FHOD3: variants seen among roughly 807,000 people sequenced by gnomAD.
FHOD3 encodes formin homology 2 domain containing 3.
A neutral mutation model predicts 173.0 loss-of-function variants in FHOD3; 90 were observed. That is an observed-to-expected ratio of 0.52 (90% confidence interval 0.44 to 0.62). The LOEUF is 0.62. Among genes scored for constraint, FHOD3 ranks in the 20% least tolerant of loss-of-function variants. FHOD3 has a pLI of 0.00. For missense variants in FHOD3, 1,945 were observed against 2,034.7 expected (o/e 0.96, Z 0.85); for synonymous variants, 828 against 823.0 (o/e 1.01, Z -0.10).
intron 15 of FHOD3, among the ~76,000 whole-genome samples, chr18:36,683,136 A>C (rs1431106383): frequency 1.3e-5 from 2 of 152,198 alleles, no homozygotes; most frequent in African/African-American, 2.4e-5. Flanking sequence ...TGGAAATGCC[A>C]GCTCTGTATG....
intron 17 of FHOD3, among the ~76,000 whole-genome samples, chr18:36,700,173 C>T (rs2039504265): frequency 6.6e-6 from 1 of 152,150 alleles, no homozygotes; most frequent in South Asian, 2.1e-4. Flanking sequence ...CCCTCGCATT[C>T]CACCTGTGAT....
intron 5 of FHOD3, among the ~76,000 whole-genome samples, chr18:36,533,878 T>C (rs867662832): frequency 2.1e-4 from 32 of 152,308 alleles, no homozygotes; most frequent in Middle Eastern, 3.4e-3. Context: ...TTTTGAGAAA[T>C]ATCTTCCCCA....
intron 3 of FHOD3, among the ~76,000 whole-genome samples, chr18:36,480,052 C>A (rs556982111): frequency 6.6e-6 from 1 of 152,308 alleles, no homozygotes; most frequent in South Asian, 2.1e-4. Context: ...TAAAGAGAAA[C>A]AAATTAATTC....
chr18:36,563,044 C>A (rs2058144360), intron 5 of FHOD3, among the ~76,000 whole-genome samples: 1 of 152,150 alleles, frequency 6.6e-6, no homozygotes. Context: ...AGCAACGAGT[C>A]CCCTCAGGTA....
At chr18:36,769,559 T>C in intron 28 of FHOD3, 133 bp downstream of exon 28, 1 of 1,217,666 alleles carries the variant, frequency 8.2e-7, no homozygotes. Context: ...CTTGCACTCA[T>C]CCACAGAAAG....
chr18:36,664,468 A>C (rs1430992045), intron 14 of FHOD3, among the ~76,000 whole-genome samples: 1 of 152,192 alleles, frequency 6.6e-6, no homozygotes, highest in Non-Finnish European at 1.5e-5. Flanking sequence ...ATTGCGTTAC[A>C]TCCAAAGCAC....
At chr18:36,426,448 A>G (rs143371867) in intron 3 of FHOD3, among the ~76,000 whole-genome samples, 33 of 152,264 alleles carry the variant, frequency 2.2e-4, no homozygotes, top group African/African-American at 7.9e-4. Flanking sequence ...TCCAGGAAGA[A>G]GCCATGGAGT....
At chr18:36,545,725 A>T (rs2057385278) in intron 5 of FHOD3, among the ~76,000 whole-genome samples, 1 of 152,244 alleles carries the variant, frequency 6.6e-6, no homozygotes, top group African/African-American at 2.4e-5. Flanking sequence ...ACATAAGTGG[A>T]AAGTAGACAT....
chr18:36,398,878 CAG>C (rs1200264321), intron 3 of FHOD3, among the ~76,000 whole-genome samples: 1 of 151,838 alleles, frequency 6.6e-6, no homozygotes, highest in Non-Finnish European at 1.5e-5. Context: ...AGGTATAGGA[CAG>C]GGATGGGGGG....
intron 9 of FHOD3, among the ~76,000 whole-genome samples, chr18:36,612,921 G>C (rs1442996465): frequency 1.3e-5 from 2 of 152,224 alleles, no homozygotes; most frequent in East Asian, 3.8e-4. Context: ...TTACTAAAGA[G>C]TAAGAAAGGG....
chr18:36,563,096 A>G (rs1044139772), intron 5 of FHOD3, among the ~76,000 whole-genome samples: 30 of 152,332 alleles, frequency 2.0e-4, no homozygotes, highest in Non-Finnish European at 3.8e-4. Context: ...GTGAAATTTT[A>G]GTAAGGAAGT....
chr18:36,538,355 A>G (rs545706003), intron 5 of FHOD3, among the ~76,000 whole-genome samples: 1 of 152,356 alleles, frequency 6.6e-6, no homozygotes, highest in African/African-American at 2.4e-5. Context: ...CATTGAAAAC[A>G]ATGATGATAG....
At chr18:36,530,897 C>G (rs1161835246) in intron 5 of FHOD3, among the ~76,000 whole-genome samples, 1 of 152,128 alleles carries the variant, frequency 6.6e-6, no homozygotes, top group Non-Finnish European at 1.5e-5. Flanking sequence ...CCCTGAGGCC[C>G]CTGCGGTGAG....
intron 24 of FHOD3, 120 bp from the exon 25 acceptor site, chr18:36,754,999 T>TATTATC (rs1247675906): frequency 1.9e-5 from 4 of 205,614 alleles, no homozygotes; most frequent in East Asian, 1.2e-4. Context: ...TTATTATTAT[T>TATTATC]ATTATTATTA....
intron 1 of FHOD3, among the ~76,000 whole-genome samples, chr18:36,346,365 CA>C (rs2045880810): frequency 6.6e-6 from 1 of 151,978 alleles, no homozygotes. Context: ...GACCCTGCCT[CA>C]AAACAAAAAA....
chr18:36,763,499 T>C (rs1322076077), intron 27 of FHOD3, among the ~76,000 whole-genome samples: 1 of 142,114 alleles, frequency 7.0e-6, no homozygotes, highest in African/African-American at 2.5e-5. Flanking sequence ...ACGTTATATA[T>C]AATATGTGTA....
chr18:36,416,988 G>A lies in FHOD3; in HGVS notation c.337+44244G>A, dbSNP rs189162889. ...GGGTGAGAAGTACTGAAGGAAATCA[G>A]AACATATAGATATATATACACATAC... On this transcript the variant is annotated intron_variant, in intron 3 of 28. Transcript: ENST00000590592. Among the ~76,000 whole-genome samples, 222 of 151,324 alleles carry A rather than the reference G, an allele frequency of 1.5e-3. 1 individual carries two copies. The South Asian group carries it at 0.018, about 12-fold the overall frequency.
In FHOD3 at chr18:36,717,872, A is replaced by G; in HGVS notation, c.2574A>G (p.Gly858=). ...PAGVQDAGVN[G]QCGDILTNKR... ...GTGTCCAGGATGCAGGTGTAAATGGACAGTGTGGCGACATCCTCACCAACA... is the reference window on the plus strand; with the variant it reads ...GTGTCCAGGATGCAGGTGTAAATGGGCAGTGTGGCGACATCCTCACCAACA... Residue 858 remains glycine (G), a synonymous_variant, in exon 19 of 29, where the codon GGA becomes GGG. Coordinates refer to ENST00000590592, the MANE Select transcript of FHOD3 (RefSeq NM_001281740.3). The G allele has an allele frequency of 2.5e-6, 4 of 1,605,580 alleles. No individual in the cohort carries two copies. The highest frequency in any genetic ancestry group is 1.1e-5 in the South Asian group (1 of 89,468).
chr18:36,666,549 C>A (rs187242192), intron 14 of FHOD3, among the ~76,000 whole-genome samples: 33 of 152,206 alleles, frequency 2.2e-4, no homozygotes, highest in African/African-American at 7.7e-4. Flanking sequence ...ATTTCAATGC[C>A]ATTTTATTAT....
Sources: allele counts gnomAD v4.1 joint callset (sites outside exome capture counted in the v4.1 genomes callset), GRCh38; gene constraint gnomAD v4.1.1; transcripts MANE v1.5; gene names NCBI Gene and HGNC (gene_info 2026-07-23, HGNC 2026-07-21).